The following CREB5 variants were observed in gnomAD, a reference collection of about 807,000 sequenced individuals.
The protein encoded by CREB5 is cyclic AMP-responsive element-binding protein 5.
A neutral mutation model predicts 57.1 loss-of-function variants in CREB5; 19 were observed. The ratio of observed to expected loss-of-function variants is 0.33; its 90% confidence interval spans 0.23 to 0.49. The LOEUF is 0.49. Ranked by LOEUF, CREB5 falls within the 20% of genes least tolerant of loss-of-function variation. The probability of loss-of-function intolerance (pLI) is 0.99; values close to 1 mark genes in which losing one functional copy is unlikely to be tolerated. For missense variants in CREB5, 579 were observed against 671.6 expected (o/e 0.86, Z 1.52); for synonymous variants, 238 against 238.3 (o/e 1.00, Z 0.01).
intron 5 of CREB5, among the ~76,000 whole-genome samples, chr7:28,609,730 C>T (rs1282979575): frequency 6.6e-6 from 1 of 152,216 alleles, no homozygotes; most frequent in Non-Finnish European, 1.5e-5. Context: ...AGAGTGGATA[C>T]TGAGCTGCAA....
At chr7:28,759,601 C>G (rs188941299) in intron 7 of CREB5, among the ~76,000 whole-genome samples, 1 of 152,310 alleles carries the variant, frequency 6.6e-6, no homozygotes, top group Non-Finnish European at 1.5e-5. Flanking sequence ...TTATTTCCTG[C>G]TGAGTTTACC....
intron 4 of CREB5, among the ~76,000 whole-genome samples, chr7:28,512,282 G>A (rs1286894704): frequency 6.6e-6 from 1 of 152,132 alleles, no homozygotes; most frequent in Non-Finnish European, 1.5e-5. Context: ...AGATTGGGTG[G>A]AGTCACCTGA....
chr7:28,433,672 AC>A, intron 1 of CREB5, among the ~76,000 whole-genome samples: 1 of 152,150 alleles, frequency 6.6e-6, no homozygotes, highest in South Asian at 2.1e-4. Context: ...AAGGAAATGC[AC>A]CCTTTATCTT....
chr7:28,670,010 C>T (rs1347101454), intron 5 of CREB5, among the ~76,000 whole-genome samples: 1 of 152,214 alleles, frequency 6.6e-6, no homozygotes, highest in African/African-American at 2.4e-5. Flanking sequence ...TTCTCTGCCA[C>T]ATGCGAGAGA....
chr7:28,475,430 T>A (rs1791029371), intron 1 of CREB5, among the ~76,000 whole-genome samples: 1 of 151,470 alleles, frequency 6.6e-6, no homozygotes, highest in Non-Finnish European at 1.5e-5. Context: ...GTAGCATTTT[T>A]AAAATTAAAT....
At chr7:28,639,116 A>T (rs1171382511) in intron 5 of CREB5, among the ~76,000 whole-genome samples, 1 of 152,208 alleles carries the variant, frequency 6.6e-6, no homozygotes, top group Non-Finnish European at 1.5e-5. Context: ...GTTCCTCTAG[A>T]CTATTTGAAT....
chr7:28,816,220 G>A (rs1162646178), intron 9 of CREB5, among the ~76,000 whole-genome samples: 3 of 152,132 alleles, frequency 2.0e-5, no homozygotes, highest in African/African-American at 7.2e-5. Context: ...CTGAGAAAAA[G>A]AAGGAAGGCC....
At chr7:28,560,861 T>TGC (rs1358670336) in intron 4 of CREB5, among the ~76,000 whole-genome samples, 601 of 45,842 alleles carry the variant, frequency 0.013, 47 homozygotes, top group South Asian at 0.037. Flanking sequence ...TGTGTGTGCG[T>TGC]GTGCCTGCGT....
At chr7:28,686,205 T>G (rs1800891482) in intron 5 of CREB5, 1 of 1,603,246 alleles carries the variant, frequency 6.2e-7, no homozygotes, top group African/African-American at 1.3e-5. Context: ...GAGGTTTGTT[T>G]TTAATTTTAT....
At chr7:28,525,517 A>C (rs1274294851) in intron 4 of CREB5, among the ~76,000 whole-genome samples, 1 of 152,090 alleles carries the variant, frequency 6.6e-6, no homozygotes, top group African/African-American at 2.4e-5. Context: ...TATAATAGCC[A>C]TCCTAACTGA....
chr7:28,453,581 G>C (rs1789939548), intron 1 of CREB5, among the ~76,000 whole-genome samples: 1 of 152,242 alleles, frequency 6.6e-6, no homozygotes, highest in Non-Finnish European at 1.5e-5. Flanking sequence ...CAAGGCACGT[G>C]CCTAGCAGGC....
At chr7:28,371,203 G>A (rs942531904) in intron 1 of CREB5, among the ~76,000 whole-genome samples, 2 of 152,188 alleles carry the variant, frequency 1.3e-5, no homozygotes, top group African/African-American at 2.4e-5. Flanking sequence ...GGGCATGGTG[G>A]CTCACGCCTG....
rs528793579 is a variant in CREB5 at position 28,556,198 on chromosome 7, C to T, written c.292-14167C>T. 5.3e-5 allele frequency among the ~76,000 whole-genome samples: 8 copies of T among 152,258 alleles called. No individual in the cohort carries two copies. In the East Asian group the frequency reaches 1.5e-3, roughly 29 times the overall value. On this transcript the variant is annotated intron_variant, in intron 4 of 10. Coordinates refer to ENST00000357727, the MANE Select transcript of CREB5 (RefSeq NM_182898.4). ...AGAGTTGAGCTCGGCACGGTAATGG[C>T]TTTATGGTACATAAACACCAGGTGC...
At chr7:28,309,313 T>G (rs756861999) in intron 1 of CREB5, among the ~76,000 whole-genome samples, 1 of 152,220 alleles carries the variant, frequency 6.6e-6, no homozygotes, top group African/African-American at 2.4e-5. Flanking sequence ...GCTTAGAGTA[T>G]GTGCTTAATA....
intron 4 of CREB5, among the ~76,000 whole-genome samples, chr7:28,512,278 G>C (rs12700890): frequency 6.6e-6 from 1 of 152,126 alleles, no homozygotes; most frequent in African/African-American, 2.4e-5. Context: ...CTTGAGATTG[G>C]GTGGAGTCAC....
intron 5 of CREB5, among the ~76,000 whole-genome samples, chr7:28,691,662 G>C (rs1801269928): frequency 6.6e-6 from 1 of 152,120 alleles, no homozygotes; most frequent in Non-Finnish European, 1.5e-5. Flanking sequence ...CACCTTGAGA[G>C]TTCCATGCTG....
At chr7:28,724,466 A>G in intron 7 of CREB5, 134 bp downstream of exon 7, 1 of 683,550 alleles carries the variant, frequency 1.5e-6, no homozygotes, top group Non-Finnish European at 2.5e-6. Flanking sequence ...CAGTGCAGAG[A>G]CTGCCTCTCT....
At chr7:28,740,588 G>A (rs1488519310) in intron 7 of CREB5, among the ~76,000 whole-genome samples, 1 of 152,192 alleles carries the variant, frequency 6.6e-6, no homozygotes. Flanking sequence ...ATTATAGCCT[G>A]TGCTGAGAGG....
chr7:28,531,812 C>T (rs933366152), intron 4 of CREB5, among the ~76,000 whole-genome samples: 3 of 151,934 alleles, frequency 2.0e-5, no homozygotes, highest in South Asian at 2.1e-4. Context: ...GGGCAGATCA[C>T]GAGGTCAGGA....
Sources: allele counts gnomAD v4.1 joint callset (sites outside exome capture counted in the v4.1 genomes callset), GRCh38; gene constraint gnomAD v4.1.1; transcripts MANE v1.5; gene names NCBI Gene and HGNC (gene_info 2026-07-23, HGNC 2026-07-21).